Variants in CEP72 observed in about 807,000 individuals in gnomAD.
CEP72 encodes centrosomal protein of 72 kDa.
CEP72 carries 78 observed loss-of-function variants against 65.7 expected under a neutral mutation model. The observed-to-expected ratio is 1.19, with a 90% confidence interval of 0.99 to 1.43. The LOEUF is 1.43. Among genes scored for constraint, CEP72 ranks in the 40% most tolerant of loss-of-function variants. The pLI is 0.00. For missense variants in CEP72, 914 were observed against 832.9 expected, an observed-to-expected ratio of 1.10 and a Z score of -1.20; for synonymous variants, 358 against 351.7, an observed-to-expected ratio of 1.02 and a Z score of -0.20.
intron 9 of CEP72, among the ~76,000 whole-genome samples, chr5:643,943 T>C (rs936458608): frequency 1.4e-4 from 22 of 152,186 alleles, no homozygotes; most frequent in Non-Finnish European, 2.6e-4. Flanking sequence ...CGTGAGGGCG[T>C]CCTGGAAGAG....
chr5:668,254 C>T (rs1266271526), downstream of CEP72, among the ~76,000 whole-genome samples: 109 of 64,794 alleles, frequency 1.7e-3, 16 homozygotes, highest in Non-Finnish European at 2.4e-3. Context: ...CAGGGAAGTG[C>T]GGACAAGCAC....
chr5:642,374 T>TA lies in CEP72; in HGVS notation c.1539+1773dup, dbSNP rs1258853281. ...CCCCTTCTCTGGAAGCCTCTATATT[T>TA]AAACACGTGTGGCCCCCCGTCTGGA... is the stretch of plus-strand genomic sequence containing the variant. On this transcript the variant is annotated intron_variant, in intron 9 of 11. Transcript: ENST00000264935. 5 of 985,306 alleles carry TA rather than the reference T, an allele frequency of 5.1e-6. No individual in the cohort carries two copies. In the African/African-American group the frequency reaches 8.7e-5, roughly 17 times the overall value. 61.0% of individuals were successfully genotyped at this position (985,306 alleles called of 1,614,324 possible).
intron 4 of CEP72, among the ~76,000 whole-genome samples, chr5:666,417 ACCT>A (rs1739916816): frequency 6.6e-6 from 1 of 152,058 alleles, no homozygotes; most frequent in Non-Finnish European, 1.5e-5. Flanking sequence ...AGCGGAGCCC[ACCT>A]CCTCCTCCCG....
intron 9 of CEP72, chr5:643,351 T>C (rs1418143892): frequency 1.0e-6 from 1 of 985,322 alleles, no homozygotes; most frequent in Non-Finnish European, 1.2e-6. Flanking sequence ...TCATGCTGGT[T>C]GGCGCCACTG....
At chr5:664,976 C>G in intron 2 of CEP72, 1 of 1,193,406 alleles carries the variant, frequency 8.4e-7, no homozygotes, top group South Asian at 1.5e-5. Context: ...GCCTGGCCGC[C>G]CCCCAGCCCC....
At chr5:622,140 C>T (rs1736434638) in intron 3 of CEP72, among the ~76,000 whole-genome samples, 1 of 152,244 alleles carries the variant, frequency 6.6e-6, no homozygotes, top group Admixed American at 6.5e-5. Flanking sequence ...CTGGAAAGAG[C>T]TGTCAGCATG....
rs532665849 is a variant in CEP72, at chr5:645,461, GAAA to G, written c.1666+1049_1666+1051del. 3.9e-4 allele frequency among the ~76,000 whole-genome samples: 52 copies of G among 135,014 alleles called. No individual in the cohort carries two copies. The highest frequency in any genetic ancestry group is 1.3e-3 in the African/African-American group (48 of 36,156). The allele number at this position is 135,014 out of a possible 152,430, so 88.6% of individuals were successfully genotyped here. A position where few individuals can be genotyped will look rare whatever the true frequency, so the allele number is the denominator to read the frequency against. On this transcript the variant is annotated intron_variant, in intron 10 of 11. Coordinates refer to ENST00000264935, the MANE Select transcript of CEP72 (RefSeq NM_018140.4). The surrounding 1 kb of genome is among the most constrained non-coding windows in gnomAD (Gnocchi z 4.0). The stretch of plus-strand genomic sequence containing the variant: ...CATCATTTCGTCGTAAAGGTGATGA[GAAA>G]AAAAAAAAAAAACAGTTCCCTGCCC...
At chr5:648,245 G>T (rs533377348) in intron 11 of CEP72, among the ~76,000 whole-genome samples, 124 of 149,024 alleles carry the variant, frequency 8.3e-4, no homozygotes, top group Non-Finnish European at 1.4e-3. Flanking sequence ...TGGGGTGTGG[G>T]CTGTGAGGTA....
At chr5:628,550 GCAGTCCCCGGGGAGTGTTC>G (rs1736931810) in intron 4 of CEP72, among the ~76,000 whole-genome samples, 10 of 110,636 alleles carry the variant, frequency 9.0e-5, no homozygotes, top group Admixed American at 2.7e-4. Flanking sequence ...AACTCAGGTT[GCAGTCCCCGGGGAGTGTTC>G]CCAGGACCCA....
At chr5:652,770 A>T (rs1343107359) in intron 11 of CEP72, among the ~76,000 whole-genome samples, 1 of 152,194 alleles carries the variant, frequency 6.6e-6, no homozygotes. Flanking sequence ...CGCACCTCCA[A>T]GGCTGCTCCC....
At chr5:656,237 C>T (rs1033008101), downstream of CEP72, among the ~76,000 whole-genome samples, 3 of 152,166 alleles carry the variant, frequency 2.0e-5, no homozygotes, top group African/African-American at 7.2e-5. Flanking sequence ...ATACCACACA[C>T]TCTGGGGCGC....
chr5:644,910 C>T (rs1738313135), intron 10 of CEP72, among the ~76,000 whole-genome samples: 1 of 152,212 alleles, frequency 6.6e-6, no homozygotes, highest in South Asian at 2.1e-4. Context: ...TCTCATTTCC[C>T]TCTCTTCACT....
Position 624,182 on chromosome 5 carries a change from C to G in CEP72, c.404-289C>G, listed in dbSNP as rs1397327675. Among the ~76,000 whole-genome samples the G allele has an allele frequency of 5.9e-5, 9 of 152,206 alleles. No individual in the cohort carries two copies. Among genetic ancestry groups the G allele is most frequent in the Admixed American group, 5.9e-4 (9 of 15,286 alleles). ...TGTGACTTGAGAATCCCACCCCGCACCCGGTGTGCACTTTAGAGAAAGGGT... is the reference window on the plus strand; with the variant it reads ...TGTGACTTGAGAATCCCACCCCGCAGCCGGTGTGCACTTTAGAGAAAGGGT... On this transcript the variant is annotated intron_variant, in intron 3 of 11. Transcript: ENST00000264935. The surrounding 1 kb of genome is among the most constrained non-coding windows in gnomAD (Gnocchi z 4.7).
intron 3 of CEP72, among the ~76,000 whole-genome samples, chr5:620,888 C>T (rs1736346034): frequency 1.3e-5 from 2 of 152,218 alleles, no homozygotes; most frequent in Admixed American, 1.3e-4. Context: ...CTCCTGCCTC[C>T]CCGGAGGCAT....
At chr5:666,767 C>T (rs1230191326) in intron 4 of CEP72, 1 of 152,286 alleles carries the variant, frequency 6.6e-6, no homozygotes. Flanking sequence ...AACATCCTCC[C>T]ACCACAGGCC....
At chr5:668,644 T>G (rs970535709), downstream of CEP72, among the ~76,000 whole-genome samples, 5 of 152,030 alleles carry the variant, frequency 3.3e-5, no homozygotes, top group South Asian at 2.1e-4. Flanking sequence ...GTGGACAGCT[T>G]CTCATCACAG....
rs10070762 is a variant in CEP72, at chr5:662,933, G to C, written n.131-483G>C. 1.4e-5 allele frequency: 2 copies of C among 144,624 alleles called. 1 individual carries two copies. The highest frequency in any genetic ancestry group is 5.6e-5 in the African/African-American group (2 of 35,712). The allele number at this position is 144,624 out of a possible 1,614,324, so 9.0% of individuals were successfully genotyped here. The stretch of plus-strand genomic sequence containing the variant: ...GCGATTCTGGTGACCGCTCGTCTGT[G>C]ATCGGGTGAGTCCGATGACTGCTCG... On this transcript the variant is annotated intron_variant and non_coding_transcript_variant, in intron 1 of 4. Transcript: ENST00000514507.
chr5:641,153 T>C, intron 9 of CEP72: 3 of 984,840 alleles, frequency 3.0e-6, no homozygotes, highest in Non-Finnish European at 3.6e-6. Flanking sequence ...ATCTGAGGCC[T>C]CATGGGGGCT....
intron 9 of CEP72, chr5:642,777 G>C: frequency 1.0e-6 from 1 of 985,478 alleles, no homozygotes; most frequent in Non-Finnish European, 1.2e-6. Context: ...GAACCCCGCG[G>C]AGGGAGCAGC....
Sources: allele counts gnomAD v4.1 joint callset (sites outside exome capture counted in the v4.1 genomes callset), GRCh38; gene constraint gnomAD v4.1.1; non-coding constraint Gnocchi (gnomAD v3.1); transcripts MANE v1.5; gene names NCBI Gene and HGNC (gene_info 2026-07-23, HGNC 2026-07-21).